CARD14: variants seen among roughly 807,000 people sequenced by gnomAD.
The protein encoded by CARD14 is caspase recruitment domain family member 14.
CARD14 carries 107 observed loss-of-function variants against 111.5 expected under a neutral mutation model. The observed-to-expected ratio is 0.96, with a 90% CI of 0.82 to 1.13. The LOEUF (loss-of-function observed/expected upper bound fraction) is 1.13, where lower values mean the gene tolerates loss of function less well. CARD14 is among the 50% of genes most tolerant of loss of function. The pLI is 0.00. For synonymous variants in CARD14, 617 were observed against 579.6 expected, an observed-to-expected ratio of 1.06 and a Z score of -0.93; for missense variants, 1,322 against 1,362.3, an observed-to-expected ratio of 0.97 and a Z score of 0.47.
intron 2 of CARD14, among the ~76,000 whole-genome samples, chr17:80,174,272 G>A (rs2039974024): frequency 6.6e-6 from 1 of 152,140 alleles, no homozygotes; most frequent in Non-Finnish European, 1.5e-5. Context: ...GAGTGCAGTG[G>A]CGTAATCTCA....
rs1235018937 is a variant in CARD14 at position 80,190,823 on chromosome 17, T to C, written c.1013T>C (p.Met338Thr). Residue 338 changes from methionine (M) to threonine (T), a missense_variant, in exon 10 of 24, where the codon ATG becomes ACG. By Grantham distance (81) the Met-to-Thr change is moderately conservative. Transcript: ENST00000648509. Reference protein sequence around the residue: ...QTLLQFQKSKMACQLYREKVN... With the variant: ...QTLLQFQKSKTACQLYREKVN... ...CTGCTGCAGTTCCAGAAGAGTAAGA[T>C]GGCCTGCCAACTCTACAGGGAGAAG... 3.1e-6 allele frequency: 5 copies of C among 1,613,990 alleles called. No individual in the cohort carries two copies. The African/African-American group carries it at 4.0e-5, about 13-fold the overall frequency.
chr17:80,203,998 A>AGGAGGAG lies in CARD14; in HGVS notation c.2283+113_2283+114insGGAGGAG. 1 of 919,798 alleles carries AGGAGGAG rather than the reference A, an allele frequency of 1.1e-6. No individual in the cohort carries two copies. Among genetic ancestry groups the AGGAGGAG allele is most frequent in the Non-Finnish European group, 1.7e-6 (1 of 601,900 alleles). 57.0% of individuals were successfully genotyped at this position (919,798 alleles called of 1,614,324 possible). ...GAGAGTGGGCTGCTGATTGGAGGGT[A>AGGAGGAG]ACCCCACCTGTCTCTCCTCTGCACC... On this transcript the variant is annotated intron_variant, in intron 19 of 23. Transcript: ENST00000648509. The surrounding 1 kb of genome is among the most constrained non-coding windows in gnomAD (Gnocchi z 4.6).
intron 16 of CARD14, among the ~76,000 whole-genome samples, chr17:80,200,404 C>T (rs1305844382): frequency 6.6e-6 from 1 of 151,588 alleles, no homozygotes; most frequent in African/African-American, 2.4e-5. Flanking sequence ...ACCCGGCTAA[C>T]TTTTGTATTT....
At chr17:80,176,280 C>CA (rs1326800578) in intron 2 of CARD14, among the ~76,000 whole-genome samples, 2 of 150,462 alleles carry the variant, frequency 1.3e-5, no homozygotes, top group African/African-American at 2.4e-5. Flanking sequence ...AAAACAACAA[C>CA]AACAAAAAAA....
Position 80,195,311 on chromosome 17 carries a change from G to A in CARD14, c.1477G>A (p.Gly493Arg), listed in dbSNP as rs374847486. Residue 493 changes from glycine (G) to arginine (R), a missense_variant, in exon 13 of 24, where the codon GGG (glycine) becomes AGG (arginine). Physicochemically the swap from Gly to Arg is moderately radical, Grantham distance 125. Transcript: ENST00000648509. This position sits in a 1 kb window ranked among gnomAD's most constrained non-coding sequence, Gnocchi z 4.7. ...SLYKRVAEDF[G>R]EEPWSFSSCL... Reference sequence around the variant, plus strand: ...GTACAAGCGGGTGGCCGAGGACTTCGGGGAAGAACCCTGGTCTTTCAGGTA... The same window carrying A: ...GTACAAGCGGGTGGCCGAGGACTTCAGGGAAGAACCCTGGTCTTTCAGGTA... 9.8e-5 allele frequency: 158 copies of A among 1,612,238 alleles called. No homozygotes were observed. The highest frequency in any genetic ancestry group is 1.3e-4 in the Non-Finnish European group (148 of 1,179,290).
Position 80,207,097 on chromosome 17 carries a change from C to G in CARD14, c.2807+12C>G. The G allele has an allele frequency of 1.3e-6, 2 of 1,596,290 alleles. No individual in the cohort carries two copies. The highest frequency in any genetic ancestry group is 1.7e-6 in the Non-Finnish European group (2 of 1,164,444). ...GCAAAGAAGCTCAAGTAGGTGCACG[C>G]TGGGGGCTGGGCAGGGGCTTCGAAG... On this transcript the variant is annotated intron_variant, in intron 23 of 23. Coordinates refer to ENST00000648509, the MANE Select transcript of CARD14 (RefSeq NM_001366385.1).
At chr17:80,200,325 C>T (rs1399650936) in intron 16 of CARD14, among the ~76,000 whole-genome samples, 1 of 150,918 alleles carries the variant, frequency 6.6e-6, no homozygotes, top group African/African-American at 2.4e-5. Flanking sequence ...CAACCTCCAC[C>T]CCCTGGGTTC....
chr17:80,205,084 T>A lies in CARD14; in HGVS notation c.2448T>A (p.Tyr816Ter). 2 of 1,612,816 alleles carry A rather than the reference T, an allele frequency of 1.2e-6. No individual in the cohort carries two copies. The highest frequency in any genetic ancestry group is 2.2e-5 in the South Asian group (2 of 91,002). ...WAESCLTLVP[Y>*]TLVRPHRPAR... is the part of the protein sequence containing the mutation. ...AGAGCTGCCTCACCCTGGTGCCCTA[T>A]ACCCTGGTGCGGCCCCATCGACCCG... The change falls in exon 21 of 24, where the codon TAT becomes TAA. Residue 816 changes from tyrosine (Y) to a stop codon, truncating the protein, a stop_gained. Coordinates refer to ENST00000648509, the MANE Select transcript of CARD14 (RefSeq NM_001366385.1). LOFTEE classifies it high-confidence loss of function.
intron 7 of CARD14, among the ~76,000 whole-genome samples, chr17:80,185,768 C>T (rs1428731602): frequency 6.6e-6 from 1 of 152,224 alleles, no homozygotes; most frequent in Non-Finnish European, 1.5e-5. Context: ...TGAGGTGGCC[C>T]TCTTTAAAGC....
intron 4 of CARD14, among the ~76,000 whole-genome samples, chr17:80,180,781 G>C (rs2040147043): frequency 6.6e-6 from 1 of 150,820 alleles, no homozygotes; most frequent in South Asian, 2.1e-4. Flanking sequence ...TTTGTTTACC[G>C]GGACAGGGTC....
intron 23 of CARD14, 72 bp downstream of exon 23, chr17:80,207,157 G>A (rs921352194): frequency 1.8e-6 from 2 of 1,090,794 alleles, no homozygotes; most frequent in Non-Finnish European, 2.7e-6. Flanking sequence ...CACGGCAGGT[G>A]CCTCTGGAGT....
chr17:80,187,138 C>T (rs993484031), intron 7 of CARD14, among the ~76,000 whole-genome samples: 6 of 152,256 alleles, frequency 3.9e-5, no homozygotes, highest in Non-Finnish European at 5.9e-5. Context: ...CTGTTCCGTA[C>T]GTGTGTGCTC....
intron 10 of CARD14, 78 bp from the exon 11 acceptor site, chr17:80,191,245 G>C: frequency 6.5e-7 from 1 of 1,548,514 alleles, no homozygotes; most frequent in Non-Finnish European, 8.8e-7. Flanking sequence ...GCGCAGGCTA[G>C]AAACAGGGCT....
chr17:80,183,986 G>A lies in CARD14; in HGVS notation c.423G>A (p.Gln141=). 6.3e-7 allele frequency: 1 copy of A among 1,580,922 alleles called. No individual in the cohort carries two copies. The highest frequency in any genetic ancestry group is 8.6e-7 in the Non-Finnish European group (1 of 1,161,712). ...AIGSLQEELN[Q]EKGQKEVLLR... Reference sequence around the variant, plus strand: ...GCAGCCTGCAGGAGGAGCTGAACCAGGAAAAGGGGCAGAAGGAGGTGCTGC... The same window carrying A: ...GCAGCCTGCAGGAGGAGCTGAACCAAGAAAAGGGGCAGAAGGAGGTGCTGC... Residue 141 remains glutamine, a synonymous_variant, in exon 7 of 24, where the codon CAG becomes CAA. Coordinates refer to ENST00000648509, the MANE Select transcript of CARD14 (RefSeq NM_001366385.1).
rs752137635 is a variant in CARD14 at position 80,181,555 on chromosome 17, C to A, written c.117C>A (p.Leu39=). The part of the protein sequence containing the change: ...RIVRCICPSR[L]TPYLRQAKVL... ...TACGCTGCATCTGCCCCAGCCGCCT[C>A]ACCCCCTACCTGCGCCAGGCCAAGG... Residue 39 remains leucine, a synonymous_variant, in exon 5 of 24, where the codon CTC becomes CTA. Coordinates refer to ENST00000648509, the MANE Select transcript of CARD14 (RefSeq NM_001366385.1). 1 of 1,570,908 alleles carries A rather than the reference C, an allele frequency of 6.4e-7. No homozygotes were observed. The highest frequency in any genetic ancestry group is 1.2e-5 in the South Asian group (1 of 85,376).
rs146241825 is a variant in CARD14, at chr17:80,183,378, G to T, written c.350-535G>T. Among the ~76,000 whole-genome samples the T allele has an allele frequency of 2.0e-3, 302 of 152,278 alleles. 1 individual carries two copies. The highest frequency in any genetic ancestry group is 3.7e-3 in the Non-Finnish European group (255 of 68,022). On this transcript the variant is annotated intron_variant, in intron 6 of 23. Coordinates refer to ENST00000648509, the MANE Select transcript of CARD14 (RefSeq NM_001366385.1). ...GACCATTTTCCCTGTGTTCCAGCAC[G>T]GTGTGTGTTTATGTTCTTTAGAGTT...
chr17:80,208,117 CCCCAACT>C lies in CARD14; in HGVS notation c.2808-19_2808-13del. 6.7e-7 allele frequency: 1 copy of C among 1,501,188 alleles called. No homozygotes were observed. Among genetic ancestry groups the C allele is most frequent in the African/African-American group, 1.4e-5 (1 of 72,144 alleles). 93.0% of individuals were successfully genotyped at this position (1,501,188 alleles called of 1,614,324 possible). ...CCTTGCTCTCCCCTGAGCCCGCCCC[CCCCAACT>C]CTGGCCTGTGCAGGAAGGGCCTACA... On this transcript the variant is annotated splice_polypyrimidine_tract_variant and intron_variant, in intron 23 of 23. Coordinates refer to ENST00000648509, the MANE Select transcript of CARD14 (RefSeq NM_001366385.1).
chr17:80,204,842 C>G, intron 20 of CARD14, 193 bp from the exon 21 acceptor site: 1 of 553,102 alleles, frequency 1.8e-6, no homozygotes, highest in Non-Finnish European at 3.2e-6. Flanking sequence ...GTGTAACCCC[C>G]GTGCAAAGGA....
Position 80,203,724 on chromosome 17 carries a change from C to T in CARD14, c.2220-98C>T. ...GCTCTAGGTGGAGGCCCTTCTCTCC[C>T]ACCCGGCCATCTCCCCCACTCTCCC... On this transcript the variant is annotated intron_variant, in intron 18 of 23. Transcript: ENST00000648509. This position sits in a 1 kb window ranked among gnomAD's most constrained non-coding sequence, Gnocchi z 4.6. 1.2e-6 allele frequency: 1 copy of T among 836,548 alleles called. No individual in the cohort carries two copies. The highest frequency in any genetic ancestry group is 1.9e-6 in the Non-Finnish European group (1 of 529,560). The allele number at this position is 836,548 out of a possible 1,614,324, so 51.8% of individuals were successfully genotyped here.
Sources: gnomAD v4.1 joint callset for allele counts (sites outside exome capture counted in the v4.1 genomes callset) on GRCh38, gnomAD v4.1.1 for gene constraint, Gnocchi (gnomAD v3.1) non-coding constraint, MANE v1.5 for transcripts, NCBI Gene and HGNC (gene_info 2026-07-23, HGNC 2026-07-21) for gene names.